The following SLC38A6 variants were observed in gnomAD, a reference collection of about 807,000 sequenced individuals.
SLC38A6 encodes the protein N system amino acid transporter NAT-1.
A neutral mutation model predicts 65.0 loss-of-function variants in SLC38A6; 73 were observed. That is an observed-to-expected ratio of 1.12 (90% CI 0.93 to 1.37). SLC38A6 has a LOEUF of 1.37. Among genes scored for constraint, SLC38A6 ranks in the 40% most tolerant of loss-of-function variants. The pLI, the probability that SLC38A6 is intolerant of heterozygous loss-of-function variation, is 0.00. For synonymous variants in SLC38A6, 183 were observed against 178.8 expected, an observed-to-expected ratio of 1.02 and a Z score of -0.19; for missense variants, 561 against 531.1, an observed-to-expected ratio of 1.06 and a Z score of -0.55.
chr14:61,015,547 T>A (rs917842623), intron 3 of SLC38A6, among the ~76,000 whole-genome samples: 2 of 152,126 alleles, frequency 1.3e-5, no homozygotes, highest in Non-Finnish European at 1.5e-5. Flanking sequence ...AATAAAAGAA[T>A]CCTTGGTGAT....
intron 3 of SLC38A6, among the ~76,000 whole-genome samples, chr14:60,998,569 C>T (rs547427582): frequency 6.6e-6 from 1 of 152,268 alleles, no homozygotes; most frequent in Non-Finnish European, 1.5e-5. Flanking sequence ...CCTTCAAATC[C>T]GTCTGTGACC....
intron 16 of SLC38A6, among the ~76,000 whole-genome samples, chr14:61,082,713 C>T (rs1014229484): frequency 6.6e-6 from 1 of 152,148 alleles, no homozygotes; most frequent in Non-Finnish European, 1.5e-5. Context: ...CTCCTCAAGG[C>T]CCTTTCTAGT....
intron 3 of SLC38A6, among the ~76,000 whole-genome samples, chr14:60,999,156 A>G (rs2038522070): frequency 6.6e-6 from 1 of 152,222 alleles, no homozygotes; most frequent in South Asian, 2.1e-4. Flanking sequence ...TTGCTGAAGC[A>G]GTGAGAAGCC....
In SLC38A6 at chr14:61,075,604, G is replaced by A. The variant is rs551516692; in HGVS notation, c.1291-3206G>A. ...CTAGTCATCAATTGTACCTGTAGGG[G>A]AATGCCTCTTTTTAGAGACAAGAGA... On this transcript the variant is annotated intron_variant, in intron 15 of 16. Transcript: ENST00000354886. Among the ~76,000 whole-genome samples the A allele has an allele frequency of 5.9e-5, 9 of 152,248 alleles. No individual in the cohort carries two copies. In the East Asian group the frequency reaches 1.7e-3, roughly 29 times the overall value.
intron 6 of SLC38A6, among the ~76,000 whole-genome samples, chr14:61,034,882 A>G (rs974974280): frequency 6.6e-6 from 1 of 152,150 alleles, no homozygotes; most frequent in African/African-American, 2.4e-5. Context: ...AAGTGTCATC[A>G]TGGTGCTGTT....
intron 3 of SLC38A6, among the ~76,000 whole-genome samples, chr14:60,988,324 A>G (rs1457409797): frequency 2.0e-5 from 3 of 151,990 alleles, no homozygotes; most frequent in African/African-American, 4.8e-5. Context: ...TCTCCTTACT[A>G]TTGTCATCTA....
Position 61,036,962 on chromosome 14 carries a change from G to GTGTGTGTGTA in SLC38A6, c.483-88_483-87insATGTGTGTGT, listed in dbSNP as rs1398037456. On this transcript the variant is annotated intron_variant, in intron 6 of 15. Transcript: ENST00000267488. ...AGCTGGTTGTAATGGTTATAACTCTGTGTGTGTGTGTGTGTGTGTGTGTGT... is the reference window on the plus strand; with the variant it reads ...AGCTGGTTGTAATGGTTATAACTCTGTGTGTGTGTATGTGTGTGTGTGTGTGTGTGTGTGT... 1.9e-4 allele frequency: 76 copies of GTGTGTGTGTA among 390,230 alleles called. No homozygotes were observed. The African/African-American group carries it at 2.7e-3, about 14-fold the overall frequency. 24.2% of individuals were successfully genotyped at this position (390,230 alleles called of 1,614,324 possible).
At chr14:61,029,652 T>A (rs1157425018) in intron 5 of SLC38A6, among the ~76,000 whole-genome samples, 2 of 152,188 alleles carry the variant, frequency 1.3e-5, no homozygotes, top group Non-Finnish European at 2.9e-5. Flanking sequence ...TATAGCTACA[T>A]CAGAATTAGG....
intron 3 of SLC38A6, among the ~76,000 whole-genome samples, chr14:61,005,583 T>A (rs2039045216): frequency 6.6e-6 from 1 of 151,848 alleles, no homozygotes; most frequent in South Asian, 2.1e-4. Flanking sequence ...CCATTCACAA[T>A]TGCTTCAAAG....
intron 15 of SLC38A6, among the ~76,000 whole-genome samples, chr14:61,072,670 G>C (rs910769612): frequency 6.6e-6 from 1 of 152,080 alleles, no homozygotes; most frequent in African/African-American, 2.4e-5. Flanking sequence ...TTAACATAAT[G>C]GTCTCCAGTT....
In SLC38A6 at chr14:61,073,268, T is replaced by G. The variant is rs7148226; in HGVS notation, c.1291-5542T>G. Reference sequence around the variant, plus strand: ...AATGGAGTTGTTTGAGTTCCTCATATATTCTGATTCTTAATCCCACTTCAG... The same window carrying G: ...AATGGAGTTGTTTGAGTTCCTCATAGATTCTGATTCTTAATCCCACTTCAG... On this transcript the variant is annotated intron_variant, in intron 15 of 16. Coordinates refer to the SLC38A6 transcript ENST00000354886. Among the ~76,000 whole-genome samples, 1,173 of 152,294 alleles carry G rather than the reference T, an allele frequency of 7.7e-3. 17 individuals are homozygous for G. The highest frequency in any genetic ancestry group is 0.027 in the African/African-American group (1,104 of 41,568).
At chr14:61,019,461 A>G in intron 4 of SLC38A6, 80 bp from the exon 5 acceptor site, 7 of 1,436,426 alleles carry the variant, frequency 4.9e-6, no homozygotes, top group Non-Finnish European at 6.8e-6. Context: ...TTTTAGTAAT[A>G]GTTACTGGAT....
chr14:60,985,964 C>T (rs1028403010), intron 3 of SLC38A6, among the ~76,000 whole-genome samples: 2 of 152,224 alleles, frequency 1.3e-5, no homozygotes, highest in Admixed American at 6.5e-5. Context: ...AAAGTGAAAA[C>T]TCACTCATTA....
chr14:61,010,863 C>T (rs1025123477), intron 3 of SLC38A6, among the ~76,000 whole-genome samples: 38 of 152,194 alleles, frequency 2.5e-4, no homozygotes, highest in Admixed American at 6.5e-4. Flanking sequence ...TTTGGCAATG[C>T]GGGCTCTTTT....
At chr14:61,018,064 A>G (rs1484001416) in intron 4 of SLC38A6, among the ~76,000 whole-genome samples, 2 of 152,210 alleles carry the variant, frequency 1.3e-5, no homozygotes, top group African/African-American at 4.8e-5. Context: ...CTAGGCATTA[A>G]AAATATAAGT....
At chr14:61,029,318 G>T (rs1288416981) in intron 5 of SLC38A6, among the ~76,000 whole-genome samples, 1 of 151,944 alleles carries the variant, frequency 6.6e-6, no homozygotes, top group Non-Finnish European at 1.5e-5. Context: ...CACCACGCCT[G>T]GCTAATTTTT....
At chr14:61,047,838 G>A (rs916495302) in intron 12 of SLC38A6, among the ~76,000 whole-genome samples, 2 of 151,972 alleles carry the variant, frequency 1.3e-5, no homozygotes, top group African/African-American at 4.8e-5. Context: ...TTCAGAGTAT[G>A]CAAATTTTAT....
At chr14:61,009,906 A>G (rs2039428101) in intron 3 of SLC38A6, among the ~76,000 whole-genome samples, 1 of 152,200 alleles carries the variant, frequency 6.6e-6, no homozygotes, top group African/African-American at 2.4e-5. Context: ...CAGTAATGGG[A>G]TGGCTGGGTC....
intron 3 of SLC38A6, among the ~76,000 whole-genome samples, chr14:60,988,347 C>T (rs1240295317): frequency 6.6e-6 from 1 of 152,158 alleles, no homozygotes; most frequent in African/African-American, 2.4e-5. Context: ...GACTCCTAGA[C>T]CATTTCCTGT....
Sources: allele counts gnomAD v4.1 joint callset (sites outside exome capture counted in the v4.1 genomes callset), GRCh38; gene constraint gnomAD v4.1.1; transcripts MANE v1.5; gene names NCBI Gene and HGNC (gene_info 2026-07-23, HGNC 2026-07-21).